Variants in MAP3K9 observed in about 807,000 individuals in gnomAD.
MAP3K9 encodes the protein mitogen-activated protein kinase kinase kinase 9.
A neutral mutation model predicts 95.8 loss-of-function variants in MAP3K9; 46 were observed. The observed-to-expected ratio is 0.48, with a 90% CI of 0.38 to 0.61. The LOEUF is 0.61. Among genes scored for constraint, MAP3K9 ranks in the 20% least tolerant of loss-of-function variants. The pLI is 0.00. For missense variants in MAP3K9, 1,296 were observed against 1,474.3 expected (o/e 0.88, Z 1.98); for synonymous variants, 533 against 593.8 (o/e 0.90, Z 1.49).
intron 8 of MAP3K9, among the ~76,000 whole-genome samples, chr14:70,737,693 T>A (rs2054004009): frequency 6.6e-6 from 1 of 152,250 alleles, no homozygotes. Context: ...CATGAGCCTC[T>A]AGGCAAGAGA....
chr14:70,761,950 A>G (rs1408218941), intron 2 of MAP3K9, among the ~76,000 whole-genome samples: 1 of 151,668 alleles, frequency 6.6e-6, no homozygotes, highest in African/African-American at 2.4e-5. Flanking sequence ...GCAATCACCA[A>G]TGTCCTTTGT....
At chr14:70,762,790 ATAATATC>A (rs1391258628) in intron 2 of MAP3K9, among the ~76,000 whole-genome samples, 2 of 152,206 alleles carry the variant, frequency 1.3e-5, no homozygotes, top group Admixed American at 6.5e-5. Context: ...TACTTTTGGT[ATAATATC>A]TAAGAATCAT....
chr14:70,774,670 A>G (rs2054572984), intron 2 of MAP3K9, among the ~76,000 whole-genome samples: 2 of 150,388 alleles, frequency 1.3e-5, no homozygotes, highest in African/African-American at 4.9e-5. Context: ...CTCCATCTCA[A>G]AAACAAACAA....
chr14:70,740,548 T>C (rs2054055668), intron 6 of MAP3K9, among the ~76,000 whole-genome samples: 1 of 152,264 alleles, frequency 6.6e-6, no homozygotes, highest in Admixed American at 6.5e-5. Flanking sequence ...GATTTGGTCC[T>C]CTTTTCTCAG....
intron 2 of MAP3K9, among the ~76,000 whole-genome samples, chr14:70,787,350 T>C (rs1290421253): frequency 2.0e-5 from 3 of 151,684 alleles, no homozygotes; most frequent in Non-Finnish European, 4.4e-5. Flanking sequence ...CTACTAAAAA[T>C]ACAAAAAACT....
At chr14:70,731,707 G>A (rs1275396801) in intron 11 of MAP3K9, among the ~76,000 whole-genome samples, 1 of 152,222 alleles carries the variant, frequency 6.6e-6, no homozygotes, top group African/African-American at 2.4e-5. Flanking sequence ...GGTGAGTAAT[G>A]TAGGGTTTCT....
chr14:70,737,883 C>T (rs2139719208), intron 8 of MAP3K9, among the ~76,000 whole-genome samples: 1 of 152,278 alleles, frequency 6.6e-6, no homozygotes, highest in Admixed American at 6.5e-5. Context: ...TAAACCCTGC[C>T]CGCCACTTGC....
rs1161255136 is a variant in MAP3K9 at position 70,808,768 on chromosome 14, T to C, written c.404A>G (p.Gln135Arg). The change falls in exon 1 of 12, where the codon CAG (glutamine) becomes CGG (arginine). Residue 135 changes from glutamine to arginine, a missense_variant and splice_region_variant. Around this residue, in one of 5 missense-constraint regions of MAP3K9, gnomAD observed 338 missense variants for 363.4 expected, o/e 0.93. Transcript: ENST00000554752. ...GEDPSCYPPI[Q>R]LLEIDFAELT... ...GCCCGGCCCCGCCTTCGCCTTACACTGAATGGGCGGGTAGCAACTGGGGTC... is the reference window on the plus strand; with the variant it reads ...GCCCGGCCCCGCCTTCGCCTTACACCGAATGGGCGGGTAGCAACTGGGGTC... 1 of 1,370,966 alleles carries C rather than the reference T, an allele frequency of 7.3e-7. No homozygotes were observed. The highest frequency in any genetic ancestry group is 9.6e-7 in the Non-Finnish European group (1 of 1,040,340). The allele number at this position is 1,370,966 out of a possible 1,614,324, so 84.9% of individuals were successfully genotyped here.
At chr14:70,793,683 C>CATT in intron 2 of MAP3K9, among the ~76,000 whole-genome samples, 1 of 151,914 alleles carries the variant, frequency 6.6e-6, no homozygotes, top group Non-Finnish European at 1.5e-5. Context: ...TTCATTCATT[C>CATT]CTTTTATCTA....
In MAP3K9 at chr14:70,725,137, A is replaced by G. The variant is rs1185701490; in HGVS notation, c.*5243T>C. 3.3e-5 allele frequency: 5 copies of G among 152,362 alleles called. No homozygotes were observed. The highest frequency in any genetic ancestry group is 1.2e-4 in the African/African-American group (5 of 41,456). The allele number at this position is 152,362 out of a possible 1,614,324, so 9.4% of individuals were successfully genotyped here. A position where few individuals can be genotyped will look rare whatever the true frequency, so the allele number is the denominator to read the frequency against. On this transcript the variant is annotated 3_prime_UTR_variant, in exon 12 of 12. Coordinates refer to ENST00000554752, the MANE Select transcript of MAP3K9 (RefSeq NM_001284230.2). Reference sequence around the variant, plus strand: ...GGCCCCAAAGCTCTTCTCTCTATCCAGCTCAAGGCCCAAAGCAGGCTCCCC... The same window carrying G: ...GGCCCCAAAGCTCTTCTCTCTATCCGGCTCAAGGCCCAAAGCAGGCTCCCC...
intron 2 of MAP3K9, among the ~76,000 whole-genome samples, chr14:70,785,374 C>G (rs2054733439): frequency 1.3e-5 from 2 of 152,200 alleles, no homozygotes; most frequent in South Asian, 4.1e-4. Context: ...TTTTCCTATA[C>G]ATTCATACCT....
At chr14:70,733,845 T>C in intron 10 of MAP3K9, 1 of 717,450 alleles carries the variant, frequency 1.4e-6, no homozygotes, top group South Asian at 1.5e-5. Flanking sequence ...TTTGCTGAGC[T>C]TCCTCTCTCT....
intron 2 of MAP3K9, among the ~76,000 whole-genome samples, chr14:70,767,563 G>A (rs927190527): frequency 6.6e-6 from 1 of 152,068 alleles, no homozygotes; most frequent in Non-Finnish European, 1.5e-5. Flanking sequence ...TCAGCCAGGG[G>A]TTCACCAGTG....
At chr14:70,799,485 T>G (rs1041588444) in intron 2 of MAP3K9, among the ~76,000 whole-genome samples, 1 of 152,114 alleles carries the variant, frequency 6.6e-6, no homozygotes, top group East Asian at 1.9e-4. Flanking sequence ...GACTACAGGC[T>G]CCCGCCACCA....
At chr14:70,778,912 A>C (rs1043971249) in intron 2 of MAP3K9, among the ~76,000 whole-genome samples, 1 of 152,148 alleles carries the variant, frequency 6.6e-6, no homozygotes, top group Non-Finnish European at 1.5e-5. Context: ...CCTAACATGG[A>C]GGATGCCTGA....
intron 5 of MAP3K9, among the ~76,000 whole-genome samples, chr14:70,742,911 T>TATATATATATATATATA (rs2054094808): frequency 2.7e-4 from 38 of 143,052 alleles, no homozygotes; most frequent in African/African-American, 9.1e-4. Flanking sequence ...TTATATATAT[T>TATATATATATATATATA]TATATATATA....
intron 3 of MAP3K9, among the ~76,000 whole-genome samples, chr14:70,760,058 C>T (rs1158812680): frequency 2.6e-5 from 4 of 151,696 alleles, no homozygotes; most frequent in East Asian, 3.9e-4. Context: ...ATCCAGCCAA[C>T]TTATACATTC....
chr14:70,737,779 C>A (rs1050390076), intron 8 of MAP3K9, among the ~76,000 whole-genome samples: 6 of 152,210 alleles, frequency 3.9e-5, no homozygotes, highest in Admixed American at 1.3e-4. Context: ...AAGCAGAACA[C>A]CCTGGCAGAA....
intron 3 of MAP3K9, among the ~76,000 whole-genome samples, chr14:70,759,437 A>G (rs898121354): frequency 7.9e-5 from 12 of 152,164 alleles, no homozygotes; most frequent in Non-Finnish European, 1.6e-4. Flanking sequence ...GTAAGACTCC[A>G]TCTCAAAAAA....
Sources: allele counts gnomAD v4.1 joint callset (sites outside exome capture counted in the v4.1 genomes callset), GRCh38; gene constraint gnomAD v4.1.1; regional missense constraint gnomAD v4.1.1; transcripts MANE v1.5; gene names NCBI Gene and HGNC (gene_info 2026-07-23, HGNC 2026-07-21).